Variants in ANK3 observed in about 807,000 individuals in gnomAD.
The protein encoded by ANK3 is ankyrin-3.
Under a neutral mutation model 370.9 loss-of-function variants are expected in ANK3, and 57 were observed. That is an observed-to-expected ratio of 0.15 (90% CI 0.12 to 0.19). ANK3 has a LOEUF of 0.19. Among genes scored for constraint, ANK3 ranks in the 10% least tolerant of loss-of-function variants. The pLI is 1.00. For synonymous variants in ANK3, 1,929 were observed against 1,946.3 expected (o/e 0.99, Z 0.23); for missense variants, 4,439 against 5,302.1 (o/e 0.84, Z 5.06).
chr10:60,702,399 C>T (rs1435718777), intron 1 of ANK3, among the ~76,000 whole-genome samples: 6 of 151,962 alleles, frequency 3.9e-5, no homozygotes, highest in African/African-American at 1.2e-4. Flanking sequence ...GAACTGGATA[C>T]AAAACATTGT....
intron 2 of ANK3, among the ~76,000 whole-genome samples, chr10:60,450,002 G>T (rs185822512): frequency 6.6e-6 from 1 of 152,194 alleles, no homozygotes; most frequent in African/African-American, 2.4e-5. Context: ...AAAAGAGAGA[G>T]AAAAAGATAA....
intron 2 of ANK3, among the ~76,000 whole-genome samples, chr10:60,461,154 C>T (rs1185515519): frequency 1.3e-5 from 2 of 152,154 alleles, no homozygotes; most frequent in Non-Finnish European, 2.9e-5. Flanking sequence ...ACAGGCTGCT[C>T]ATATTTCATT....
intron 7 of ANK3, 31 bp from the exon 8 acceptor site, chr10:60,234,817 A>T (rs199657518): frequency 2.0e-6 from 3 of 1,495,766 alleles, no homozygotes; most frequent in Middle Eastern, 1.7e-4. Flanking sequence ...TACAGATTTG[A>T]TATTTTTGGT....
intron 1 of ANK3, among the ~76,000 whole-genome samples, chr10:60,660,574 T>C (rs189700833): frequency 6.6e-6 from 1 of 152,282 alleles, no homozygotes; most frequent in African/African-American, 2.4e-5. Flanking sequence ...TTCTTGTTTC[T>C]TTGCATGTCT....
chr10:60,447,438 TTTTG>T (rs545420935), intron 2 of ANK3, among the ~76,000 whole-genome samples: 2 of 152,110 alleles, frequency 1.3e-5, no homozygotes, highest in African/African-American at 4.8e-5. Context: ...ACACTAAAGT[TTTTG>T]TTTGTTTGTT....
chr10:60,228,102 A>C (rs888635951), intron 8 of ANK3, among the ~76,000 whole-genome samples: 2 of 152,224 alleles, frequency 1.3e-5, no homozygotes, highest in Admixed American at 6.5e-5. Context: ...TTTGAATAAA[A>C]ATAGGATATG....
chr10:60,249,486 C>A (rs1182469505), intron 7 of ANK3, among the ~76,000 whole-genome samples: 1 of 152,154 alleles, frequency 6.6e-6, no homozygotes, highest in African/African-American at 2.4e-5. Context: ...CTTACCCCCG[C>A]AGAAAGTAAA....
chr10:60,594,402 T>C (rs1231537229), intron 2 of ANK3, among the ~76,000 whole-genome samples: 1 of 152,196 alleles, frequency 6.6e-6, no homozygotes, highest in East Asian at 1.9e-4. Context: ...TCTCTAAAAA[T>C]AATACATTTT....
chr10:60,659,963 TCTGC>T (rs1385570087), intron 1 of ANK3, among the ~76,000 whole-genome samples: 8 of 152,162 alleles, frequency 5.3e-5, no homozygotes, highest in African/African-American at 1.9e-4. Context: ...TGATCAGTAA[TCTGC>T]CTGTTCTTAA....
chr10:60,702,208 A>G (rs1291138102), intron 1 of ANK3, among the ~76,000 whole-genome samples: 1 of 151,904 alleles, frequency 6.6e-6, no homozygotes, highest in Admixed American at 6.6e-5. Context: ...TGAGGCTGCA[A>G]AAAGCTGTGA....
At chr10:60,059,125 T>G (rs2079816734) in intron 41 of ANK3, among the ~76,000 whole-genome samples, 1 of 152,188 alleles carries the variant, frequency 6.6e-6, no homozygotes, top group African/African-American at 2.4e-5. Flanking sequence ...TGTATGTAAA[T>G]TTTCTTGTAT....
At chr10:60,356,221 C>A (rs2057714291) in intron 1 of ANK3, among the ~76,000 whole-genome samples, 1 of 152,160 alleles carries the variant, frequency 6.6e-6, no homozygotes, top group African/African-American at 2.4e-5. Flanking sequence ...GAGAATGACA[C>A]CCTCTGTTGT....
At chr10:60,473,617 T>C (rs773370413) in intron 2 of ANK3, among the ~76,000 whole-genome samples, 15 of 152,082 alleles carry the variant, frequency 9.9e-5, no homozygotes, top group Non-Finnish European at 1.8e-4. Context: ...TTAGGAGCAC[T>C]AGGTAATGCA....
chr10:60,196,324 T>C (rs2096584783), intron 15 of ANK3, 81 bp from the exon 16 acceptor site: 3 of 1,286,786 alleles, frequency 2.3e-6, no homozygotes, highest in East Asian at 2.4e-5. Flanking sequence ...TGAAATTAGA[T>C]TGGATACGAC....
intron 25 of ANK3, among the ~76,000 whole-genome samples, chr10:60,121,121 G>A (rs1309348978): frequency 6.6e-6 from 1 of 152,082 alleles, no homozygotes; most frequent in Non-Finnish European, 1.5e-5. Flanking sequence ...TACACGCAAC[G>A]GAGTACTGTT....
At position 60,249,167 on chromosome 10, in the gene ANK3, T is replaced by C. The variant is rs919729422; in HGVS notation, c.798+12692A>G. The stretch of plus-strand genomic sequence containing the variant: ...AGATCTATGAGTAGAGAGATATATA[T>C]AGCAGTTGAATGGAAAGGGGCATTT... On this transcript the variant is annotated intron_variant, in intron 7 of 43. Coordinates refer to ENST00000280772, the MANE Select transcript of ANK3 (RefSeq NM_020987.5). 2.6e-5 allele frequency among the ~76,000 whole-genome samples: 4 copies of C among 152,260 alleles called. No individual in the cohort carries two copies. The East Asian group carries it at 7.7e-4, about 29-fold the overall frequency.
chr10:60,157,087 G>A (rs1232274339), intron 23 of ANK3, among the ~76,000 whole-genome samples: 1 of 150,294 alleles, frequency 6.7e-6, no homozygotes, highest in Non-Finnish European at 1.5e-5. Flanking sequence ...GCCCAGGCTG[G>A]AGTGCAGTGG....
At chr10:60,338,611 T>TC (rs1320018938) in intron 1 of ANK3, among the ~76,000 whole-genome samples, 1 of 152,026 alleles carries the variant, frequency 6.6e-6, no homozygotes, top group Non-Finnish European at 1.5e-5. Context: ...TGACGTTGTG[T>TC]CCCCCCAGCC....
chr10:60,084,385 A>G (rs1412111243), intron 32 of ANK3: 2 of 208,004 alleles, frequency 9.6e-6, no homozygotes, highest in African/African-American at 4.7e-5. Context: ...CAGCCTCGGC[A>G]ACAGAGCAAG....
Sources: gnomAD v4.1 joint callset for allele counts (sites outside exome capture counted in the v4.1 genomes callset) on GRCh38, gnomAD v4.1.1 for gene constraint, MANE v1.5 for transcripts, NCBI Gene and HGNC (gene_info 2026-07-23, HGNC 2026-07-21) for gene names.